The following NKD1 variants were observed in gnomAD, a reference collection of about 807,000 sequenced individuals.
NKD1 encodes the protein protein naked cuticle homolog 1.
A neutral mutation model predicts 56.0 loss-of-function variants in NKD1; 21 were observed. The ratio of observed to expected loss-of-function variants is 0.38; its 90% CI spans 0.27 to 0.54. The LOEUF is 0.54. Ranked by LOEUF, NKD1 falls within the 20% of genes least tolerant of loss-of-function variation. The probability of loss-of-function intolerance (pLI) is 0.82; values close to 1 mark genes in which losing one functional copy is unlikely to be tolerated. For missense variants in NKD1, 578 were observed against 642.7 expected, an observed-to-expected ratio of 0.90 and a Z score of 1.09; for synonymous variants, 263 against 265.7, an observed-to-expected ratio of 0.99 and a Z score of 0.10.
At chr16:50,626,367 A>G (rs998709643) in intron 6 of NKD1, among the ~76,000 whole-genome samples, 1 of 152,176 alleles carries the variant, frequency 6.6e-6, no homozygotes, top group Non-Finnish European at 1.5e-5. Context: ...GTGAGCGGTG[A>G]TGTGTTCAGT....
rs532539361 is a variant in NKD1 at position 50,598,681 on chromosome 16, C to T, written c.193-9613C>T. Among the ~76,000 whole-genome samples the T allele has an allele frequency of 4.0e-4, 61 of 152,348 alleles. No homozygotes were observed. The East Asian group carries it at 9.9e-3, about 25-fold the overall frequency. On this transcript the variant is annotated intron_variant, in intron 3 of 9. Coordinates refer to ENST00000268459, the MANE Select transcript of NKD1 (RefSeq NM_033119.5). This position sits in a 1 kb window ranked among gnomAD's most constrained non-coding sequence, Gnocchi z 4.2. ...TGATCAGAGGCACGCCACAGGCCCT[C>T]GGGCCTCTCCTCTTATCAGCACTCG...
chr16:50,625,469 ATC>A lies in NKD1; in HGVS notation c.367-10_367-9del, dbSNP rs1962188435. On this transcript the variant is annotated splice_polypyrimidine_tract_variant and intron_variant, in intron 5 of 9. Coordinates refer to ENST00000268459, the MANE Select transcript of NKD1 (RefSeq NM_033119.5). ...CACAGATAGGGGACCAGCCCCGCCC[ATC>A]TCTCTGCATCCAGGAGCTCCAGTGC... 6 of 1,585,030 alleles carry A rather than the reference ATC, an allele frequency of 3.8e-6. No individual in the cohort carries two copies. Among genetic ancestry groups the A allele is most frequent in the Non-Finnish European group, 5.2e-6 (6 of 1,154,248 alleles).
At chr16:50,577,379 A>G (rs1224160035) in intron 3 of NKD1, among the ~76,000 whole-genome samples, 3 of 152,198 alleles carry the variant, frequency 2.0e-5, no homozygotes, top group Non-Finnish European at 2.9e-5. Context: ...TAATTAATAT[A>G]TACAACTTGA....
chr16:50,579,084 C>G (rs1426552378), intron 3 of NKD1, among the ~76,000 whole-genome samples: 2 of 152,196 alleles, frequency 1.3e-5, no homozygotes, highest in East Asian at 3.8e-4. Flanking sequence ...GTCCCACGGG[C>G]TACCCGCTAC....
At chr16:50,561,237 G>A (rs975775913) in intron 3 of NKD1, among the ~76,000 whole-genome samples, 3 of 152,136 alleles carry the variant, frequency 2.0e-5, no homozygotes, top group African/African-American at 7.2e-5. Context: ...ACATGGCTCA[G>A]TCATCAGGGG....
intron 3 of NKD1, among the ~76,000 whole-genome samples, chr16:50,570,611 G>T (rs953622188): frequency 6.6e-6 from 1 of 152,176 alleles, no homozygotes; most frequent in Non-Finnish European, 1.5e-5. Flanking sequence ...TGCTTAGCTC[G>T]TGAAGCTGTC....
At position 50,623,493 on chromosome 16, in the gene NKD1, A is replaced by G. The variant is rs1002384296; in HGVS notation, c.366+1785A>G. On this transcript the variant is annotated intron_variant, in intron 5 of 9. Transcript: ENST00000268459. The surrounding 1 kb of genome is among the most constrained non-coding windows in gnomAD (Gnocchi z 4.1). ...CAGGGCTGAACTCAGTGGCAGAAGG[A>G]AGACCAGGCCCAGGCATCCTGCCTC... Among the ~76,000 whole-genome samples the G allele has an allele frequency of 6.6e-6, 1 of 152,054 alleles. No homozygotes were observed. Among genetic ancestry groups the G allele is most frequent in the African/African-American group, 2.4e-5 (1 of 41,404 alleles).
intron 5 of NKD1, 66 bp from the exon 6 acceptor site, chr16:50,625,419 G>A (rs554472309): frequency 1.7e-6 from 2 of 1,152,244 alleles, no homozygotes; most frequent in African/African-American, 3.0e-5. Flanking sequence ...CTAGGCCCAG[G>A]CTTCCACTAC....
chr16:50,555,436 G>A (rs1178081761), intron 3 of NKD1: 1 of 152,544 alleles, frequency 6.6e-6, no homozygotes, highest in Non-Finnish European at 1.5e-5. Context: ...CTGTGTCATG[G>A]ACAGGTCCTT....
chr16:50,583,138 A>T (rs544343588), intron 3 of NKD1, among the ~76,000 whole-genome samples: 115 of 152,236 alleles, frequency 7.6e-4, no homozygotes, highest in Middle Eastern at 6.8e-3. Flanking sequence ...TTGCCCTCCC[A>T]CTGAGAGGTA....
chr16:50,608,503 A>T, intron 4 of NKD1, 143 bp downstream of exon 4: 24 of 602,142 alleles, frequency 4.0e-5, no homozygotes, highest in Admixed American at 7.9e-5. Flanking sequence ...GGGGTGGACT[A>T]GAGGGTGGGA....
intron 3 of NKD1, among the ~76,000 whole-genome samples, chr16:50,582,044 T>C (rs1961127908): frequency 6.6e-6 from 1 of 152,158 alleles, no homozygotes; most frequent in Non-Finnish European, 1.5e-5. Context: ...AATGCGTTTG[T>C]CTCTTTGCCC....
chr16:50,625,436 A>T, intron 5 of NKD1, 49 bp from the exon 6 acceptor site: 1 of 1,294,762 alleles, frequency 7.7e-7, no homozygotes, highest in Non-Finnish European at 1.1e-6. Context: ...CTACCCAGTC[A>T]GTGTTGCCAC....
chr16:50,588,629 GT>G (rs1961282030), intron 3 of NKD1, among the ~76,000 whole-genome samples: 1 of 124,548 alleles, frequency 8.0e-6, no homozygotes, highest in African/African-American at 3.1e-5. Flanking sequence ...TTTTGACAGA[GT>G]CTTGCTCTGT....
chr16:50,548,685 G>T, intron 1 of NKD1, 32 bp from the exon 2 acceptor site: 1 of 1,461,326 alleles, frequency 6.8e-7, no homozygotes, highest in Non-Finnish European at 9.0e-7. Flanking sequence ...CGCGGCTGCC[G>T]CCGCCGCCGC....
At position 50,589,144 on chromosome 16, in the gene NKD1, G is replaced by A. The variant is rs1250768630; in HGVS notation, c.193-19150G>A. Among the ~76,000 whole-genome samples, 8 of 152,216 alleles carry A rather than the reference G, an allele frequency of 5.3e-5. No homozygotes were observed. The South Asian group carries it at 6.2e-4, about 12-fold the overall frequency. ...CCAGCACTCAGATCTTCCTCGTTGC[G>A]CGGTGACTCTTGGTGAGCCTTGGGC... On this transcript the variant is annotated intron_variant, in intron 3 of 9. Coordinates refer to ENST00000268459, the MANE Select transcript of NKD1 (RefSeq NM_033119.5).
In NKD1 at chr16:50,630,898, G is replaced by A. The variant is rs752124769; in HGVS notation, c.683G>A (p.Arg228Gln). Residue 228 changes from arginine to glutamine, a missense_variant, in exon 8 of 10, where the codon CGA becomes CAA. Transcript: ENST00000268459. ...CTGCGGAGCTGGGAGAAGAAGCAGC[G>A]AGCCCCGCTCAGGTATGTGGGCATG... Reference protein sequence around the residue: ...EDLRSWEKKQRAPLRFQGDSR... With the variant: ...EDLRSWEKKQQAPLRFQGDSR... 15 of 1,596,038 alleles carry A rather than the reference G, an allele frequency of 9.4e-6. No homozygotes were observed. The highest frequency in any genetic ancestry group is 4.0e-5 in the African/African-American group (3 of 74,680).
At chr16:50,568,570 G>A (rs1471268496) in intron 3 of NKD1, among the ~76,000 whole-genome samples, 1 of 152,084 alleles carries the variant, frequency 6.6e-6, no homozygotes, top group African/African-American at 2.4e-5. Context: ...GAGAGAGGGG[G>A]GTCTTCCTTC....
intron 3 of NKD1, among the ~76,000 whole-genome samples, chr16:50,578,939 A>G (rs1291931863): frequency 6.6e-6 from 1 of 152,198 alleles, no homozygotes; most frequent in Non-Finnish European, 1.5e-5. Flanking sequence ...AGCCTCAGCC[A>G]CATATCACAT....
Sources: gnomAD v4.1 joint callset for allele counts (sites outside exome capture counted in the v4.1 genomes callset) on GRCh38, gnomAD v4.1.1 for gene constraint, Gnocchi (gnomAD v3.1) non-coding constraint, MANE v1.5 for transcripts, NCBI Gene and HGNC (gene_info 2026-07-23, HGNC 2026-07-21) for gene names.